FRAS1: variants seen among roughly 807,000 people sequenced by gnomAD.
FRAS1 encodes the protein extracellular matrix organizing protein FRAS1.
In FRAS1, 290 loss-of-function variants were observed where a neutral mutation model predicts 435.2. The ratio of observed to expected loss-of-function variants is 0.67; its 90% CI spans 0.61 to 0.73. FRAS1 has a LOEUF of 0.73. FRAS1 is among the 30% of genes least tolerant of loss of function. The pLI is 0.00. For missense variants in FRAS1, 4,860 were observed against 5,001.5 expected, an observed-to-expected ratio of 0.97 and a Z score of 0.85; for synonymous variants, 1,800 against 1,851.0, an observed-to-expected ratio of 0.97 and a Z score of 0.71.
chr4:78,155,142 A>G (rs1720828554), intron 2 of FRAS1, among the ~76,000 whole-genome samples: 1 of 152,182 alleles, frequency 6.6e-6, no homozygotes, highest in South Asian at 2.1e-4. Context: ...TGGCTTGGCC[A>G]TGTTTGTAGT....
chr4:78,404,132 A>T (rs1056415946), intron 30 of FRAS1, among the ~76,000 whole-genome samples: 4 of 152,178 alleles, frequency 2.6e-5, no homozygotes, highest in African/African-American at 9.6e-5. Context: ...ATCTGATTTA[A>T]CCTAATGCAT....
chr4:78,438,044 C>T (rs896732056), intron 38 of FRAS1, among the ~76,000 whole-genome samples: 3 of 129,364 alleles, frequency 2.3e-5, no homozygotes, highest in East Asian at 2.5e-4. Context: ...AATTTTATCA[C>T]GTTGAACATT....
At chr4:78,474,893 A>C (rs1719811727) in intron 53 of FRAS1, among the ~76,000 whole-genome samples, 1 of 104,986 alleles carries the variant, frequency 9.5e-6, no homozygotes, top group Admixed American at 1.2e-4. Flanking sequence ...AGCTAAATTA[A>C]TCATGTCCTT....
intron 32 of FRAS1, among the ~76,000 whole-genome samples, chr4:78,413,777 G>T (rs1287579626): frequency 2.6e-5 from 4 of 152,210 alleles, no homozygotes; most frequent in Non-Finnish European, 5.9e-5. Context: ...CTCGTATGCT[G>T]GTGGGAAGGA....
chr4:78,393,736 G>A (rs1397099159), intron 29 of FRAS1, among the ~76,000 whole-genome samples: 1 of 152,052 alleles, frequency 6.6e-6, no homozygotes, highest in East Asian at 1.9e-4. Flanking sequence ...AGTGCAGATA[G>A]CTCTTCAACA....
Position 78,278,744 on chromosome 4 carries a change from TGTGA to T in FRAS1, c.1071+3_1071+6del, listed in dbSNP as rs777927328. 2 of 1,552,658 alleles carry T rather than the reference TGTGA, an allele frequency of 1.3e-6. No homozygotes were observed. The highest frequency in any genetic ancestry group is 1.8e-6 in the Non-Finnish European group (2 of 1,125,328). On this transcript the variant is annotated splice_donor_variant and splice_donor_region_variant and intron_variant, in intron 10 of 73. Transcript: ENST00000512123. LOFTEE classifies it high-confidence loss of function. ...GTGTTTATGAAGAAACTGGAGAATT[TGTGA>T]GTATCAGGCTTATAACCGAAGATGA...
intron 34 of FRAS1, 58 bp from the exon 35 acceptor site, chr4:78,424,330 C>A: frequency 1.1e-6 from 1 of 893,236 alleles, no homozygotes; most frequent in Non-Finnish European, 1.7e-6. Flanking sequence ...TGTACCTTTC[C>A]TATCTCTCTC....
chr4:78,265,788 C>T (rs142991145), intron 7 of FRAS1, among the ~76,000 whole-genome samples: 6 of 152,312 alleles, frequency 3.9e-5, no homozygotes, highest in East Asian at 1.9e-4. Context: ...TTCCCTTACT[C>T]GCCAGCCACT....
chr4:78,251,574 T>C (rs1725533686), intron 4 of FRAS1, among the ~76,000 whole-genome samples: 2 of 145,030 alleles, frequency 1.4e-5, no homozygotes, highest in African/African-American at 5.8e-5. Flanking sequence ...AACATCTCCC[T>C]AGCCCTGGGT....
chr4:78,149,330 T>C (rs936095520), intron 2 of FRAS1, among the ~76,000 whole-genome samples: 1 of 152,204 alleles, frequency 6.6e-6, no homozygotes, highest in African/African-American at 2.4e-5. Context: ...TGCTGAGGAC[T>C]TGGCTTTTCT....
rs909829497 is a variant in FRAS1 at position 78,358,547 on chromosome 4, G to T, written c.2423-4966G>T. On this transcript the variant is annotated intron_variant, in intron 20 of 73. Coordinates refer to ENST00000512123, the MANE Select transcript of FRAS1 (RefSeq NM_025074.7). ...TCAGTTTCCTCATTTATAAAATGGG[G>T]ATAATAACAGTGCCTACTTTTTCTC... Among the ~76,000 whole-genome samples the T allele has an allele frequency of 4.4e-5, 4 of 90,706 alleles. No individual in the cohort carries two copies. In the East Asian group the frequency reaches 6.2e-4, roughly 14 times the overall value. 59.5% of individuals were successfully genotyped at this position (90,706 alleles called of 152,430 possible).
At chr4:78,274,900 T>A (rs1217170150) in intron 9 of FRAS1, among the ~76,000 whole-genome samples, 5 of 152,202 alleles carry the variant, frequency 3.3e-5, no homozygotes, top group Non-Finnish European at 7.3e-5. Flanking sequence ...ATCTGTCTAA[T>A]GTTGACAGTG....
intron 20 of FRAS1, among the ~76,000 whole-genome samples, chr4:78,342,911 T>C (rs1192278547): frequency 6.6e-6 from 1 of 152,088 alleles, no homozygotes; most frequent in Non-Finnish European, 1.5e-5. Context: ...TTATGAAGTA[T>C]TTTTTTAAAT....
intron 6 of FRAS1, among the ~76,000 whole-genome samples, chr4:78,255,711 T>G (rs1047064350): frequency 6.6e-6 from 1 of 152,246 alleles, no homozygotes; most frequent in Non-Finnish European, 1.5e-5. Context: ...TTTGTTATTG[T>G]TTTTCATTGC....
At position 78,540,751 on chromosome 4, in the gene FRAS1, A is replaced by G; in HGVS notation, c.11666A>G (p.Glu3889Gly). The G allele has an allele frequency of 6.2e-7, 1 of 1,613,828 alleles. No individual in the cohort carries two copies. The highest frequency in any genetic ancestry group is 8.5e-7 in the Non-Finnish European group (1 of 1,179,794). The change falls in exon 74 of 74, where the codon GAG becomes GGG. Residue 3889 changes from glutamate to glycine, a missense_variant. Coordinates refer to ENST00000512123, the MANE Select transcript of FRAS1 (RefSeq NM_025074.7). ...ACCAATATGAAGTCCCTGAATCTGG[A>G]GATGCAAGAGTTGGCGGTAGCTGCG... ...NGTNMKSLNL[E>G]MQELAVAASL...
chr4:78,058,047 C>G lies in FRAS1; in HGVS notation c.38C>G (p.Ala13Gly), dbSNP rs1333772821. The change falls in exon 1 of 74, where the codon GCG becomes GGG. Residue 13 changes from alanine (A) to glycine (G), a missense_variant. By Grantham distance (60) the Ala-to-Gly change is moderately conservative (BLOSUM62 0). Coordinates refer to ENST00000512123, the MANE Select transcript of FRAS1 (RefSeq NM_025074.7). Reference protein sequence around the residue: ...VLKVWLGLALALAEFAVLPHH... With the variant: ...VLKVWLGLALGLAEFAVLPHH... ...AAAGTGTGGCTCGGGCTGGCCCTAG[C>G]GTTGGCGGAATTTGCAGTATTGCCT... 1.2e-6 allele frequency: 2 copies of G among 1,613,704 alleles called. No homozygotes were observed. The highest frequency in any genetic ancestry group is 1.3e-5 in the African/African-American group (1 of 74,868).
At chr4:78,060,874 TC>T (rs1739732283) in intron 1 of FRAS1, among the ~76,000 whole-genome samples, 1 of 152,112 alleles carries the variant, frequency 6.6e-6, no homozygotes, top group Non-Finnish European at 1.5e-5. Context: ...TGAGGCACAG[TC>T]TTGCTCTATC....
chr4:78,138,946 A>G (rs978162608), intron 2 of FRAS1, among the ~76,000 whole-genome samples: 3 of 152,196 alleles, frequency 2.0e-5, no homozygotes, highest in Admixed American at 2.0e-4. Flanking sequence ...TGGGATTAAT[A>G]AGCACTTCTC....
chr4:78,098,387 T>TG (rs1339925605), intron 2 of FRAS1, among the ~76,000 whole-genome samples: 1 of 151,584 alleles, frequency 6.6e-6, no homozygotes, highest in East Asian at 1.9e-4. Context: ...GCAATTCTCC[T>TG]GCCTCAGCCT....
Sources: gnomAD v4.1 joint callset for allele counts (sites outside exome capture counted in the v4.1 genomes callset) on GRCh38, gnomAD v4.1.1 for gene constraint, MANE v1.5 for transcripts, NCBI Gene and HGNC (gene_info 2026-07-23, HGNC 2026-07-21) for gene names.